NDUFA9: variants seen among roughly 807,000 people sequenced by gnomAD.
NDUFA9 encodes the protein NADH:ubiquinone oxidoreductase subunit A9, also known as NADH dehydrogenase [ubiquinone] 1 alpha subcomplex subunit 9, mitochondrial.
NDUFA9 carries 23 observed loss-of-function variants against 45.9 expected under a neutral mutation model. The ratio of observed to expected loss-of-function variants is 0.50; its 90% CI spans 0.36 to 0.71. The LOEUF (loss-of-function observed/expected upper bound fraction) is 0.71. Among genes scored for constraint, NDUFA9 ranks in the 30% least tolerant of loss-of-function variants. The pLI is 0.00. For synonymous variants in NDUFA9, 176 were observed against 170.5 expected, an observed-to-expected ratio of 1.03 and a Z score of -0.25; for missense variants, 466 against 488.2, an observed-to-expected ratio of 0.95 and a Z score of 0.43.
intron 9 of NDUFA9, among the ~76,000 whole-genome samples, chr12:4,684,342 C>T (rs1174768136): frequency 6.6e-6 from 1 of 152,182 alleles, no homozygotes; most frequent in Non-Finnish European, 1.5e-5. Flanking sequence ...TCAAGTCCTG[C>T]TGGGTAAATC....
rs2302244 is a variant in NDUFA9, at chr12:4,682,507, A to G, written c.896+207A>G. On this transcript the variant is annotated intron_variant, in intron 9 of 10. Transcript: ENST00000266544. ...GAACATTAAATCTTCCCAATTCCCAAAAGTGAATCTTCCCACTTCCCAAAA... is the reference window on the plus strand; with the variant it reads ...GAACATTAAATCTTCCCAATTCCCAGAAGTGAATCTTCCCACTTCCCAAAA... 0.56 allele frequency among the ~76,000 whole-genome samples: 84,557 copies of G among 152,060 alleles called. 23,875 individuals are homozygous for G. The highest frequency in any genetic ancestry group is 0.61 in the Non-Finnish European group (41,702 of 67,978).
At chr12:4,662,108 C>G (rs1945826486) in intron 5 of NDUFA9, among the ~76,000 whole-genome samples, 1 of 152,234 alleles carries the variant, frequency 6.6e-6, no homozygotes, top group Non-Finnish European at 1.5e-5. Context: ...ATTAGTGACT[C>G]TATCCCCAAC....
intron 6 of NDUFA9, among the ~76,000 whole-genome samples, chr12:4,663,554 A>G (rs1057463824): frequency 6.6e-6 from 1 of 152,232 alleles, no homozygotes; most frequent in Non-Finnish European, 1.5e-5. Context: ...AGGAAAGGCC[A>G]TATGTGAGGA....
chr12:4,662,472 G>C, intron 5 of NDUFA9, 61 bp from the exon 6 acceptor site: 1 of 1,263,968 alleles, frequency 7.9e-7, no homozygotes, highest in Non-Finnish European at 1.2e-6. Flanking sequence ...ATAGTGGAAA[G>C]AATGGATGCT....
intron 5 of NDUFA9, 136 bp downstream of exon 5, chr12:4,659,313 A>G (rs950956519): frequency 1.1e-5 from 8 of 753,450 alleles, no homozygotes; most frequent in Middle Eastern, 3.0e-4. Context: ...TGCATCCAGA[A>G]CTAGGGGTGT....
At chr12:4,677,074 G>A (rs1167646818) in intron 8 of NDUFA9, among the ~76,000 whole-genome samples, 1 of 152,210 alleles carries the variant, frequency 6.6e-6, no homozygotes, top group Non-Finnish European at 1.5e-5. Context: ...TTAATAAATG[G>A]TGTTGGGAAA....
At chr12:4,680,595 A>G (rs1340118318) in intron 8 of NDUFA9, among the ~76,000 whole-genome samples, 2 of 152,190 alleles carry the variant, frequency 1.3e-5, no homozygotes, top group Non-Finnish European at 2.9e-5. Context: ...CCATGATACC[A>G]GTTTTGTTTG....
intron 8 of NDUFA9, among the ~76,000 whole-genome samples, chr12:4,681,776 T>C (rs2137485473): frequency 6.6e-6 from 1 of 151,378 alleles, no homozygotes; most frequent in African/African-American, 2.4e-5. Context: ...AAATATTTAT[T>C]ACAAGAATGT....
At chr12:4,668,336 G>A (rs1945865374) in intron 6 of NDUFA9, 121 bp from the exon 7 acceptor site, 2 of 803,996 alleles carry the variant, frequency 2.5e-6, no homozygotes, top group African/African-American at 3.4e-5. Flanking sequence ...CACTTCCTCA[G>A]AGTCAGCTAC....
rs144583056 is a variant in NDUFA9, at chr12:4,657,619, G to A, written c.319-129G>A. 316 of 669,354 alleles carry A rather than the reference G, an allele frequency of 4.7e-4. 1 individual carries two copies. The African/African-American group carries it at 4.8e-3, about 10-fold the overall frequency. 41.5% of individuals were successfully genotyped at this position (669,354 alleles called of 1,614,324 possible). A position where few individuals can be genotyped will look rare whatever the true frequency, so the allele number is the denominator to read the frequency against. ...TTTCTGTTGTAATAAATGGAGCTTGGATGAAATGGCACTATATTATGACTA... is the reference window on the plus strand; with the variant it reads ...TTTCTGTTGTAATAAATGGAGCTTGAATGAAATGGCACTATATTATGACTA... On this transcript the variant is annotated intron_variant, in intron 3 of 10. Transcript: ENST00000266544.
At position 4,685,046 on chromosome 12, in the gene NDUFA9, C is replaced by T. The variant is rs1945976488; in HGVS notation, c.897-213C>T. ...TTTCTTTGGAGGAGAACAAAGTGTA[C>T]CAGCAGTTACAGCAGCCGACTGGGT... On this transcript the variant is annotated intron_variant, in intron 9 of 10. Transcript: ENST00000266544. The T allele has an allele frequency of 1.6e-5, 11 of 680,658 alleles. No individual in the cohort carries two copies. The East Asian group carries it at 3.0e-4, about 18-fold the overall frequency. The allele number at this position is 680,658 out of a possible 1,614,324, so 42.2% of individuals were successfully genotyped here.
intron 8 of NDUFA9, among the ~76,000 whole-genome samples, chr12:4,672,553 C>T (rs562220045): frequency 1.3e-5 from 2 of 152,264 alleles, no homozygotes; most frequent in South Asian, 2.1e-4. Context: ...GAGGGAGGGG[C>T]GTCCACCATT....
intron 1 of NDUFA9, among the ~76,000 whole-genome samples, chr12:4,652,581 T>G (rs1300890172): frequency 6.6e-6 from 1 of 152,232 alleles, no homozygotes; most frequent in Non-Finnish European, 1.5e-5. Flanking sequence ...ATTCTCTCCT[T>G]GAAACAGTTT....
At chr12:4,680,269 T>C (rs558280238) in intron 8 of NDUFA9, among the ~76,000 whole-genome samples, 8 of 152,280 alleles carry the variant, frequency 5.3e-5, no homozygotes, top group Admixed American at 2.0e-4. Flanking sequence ...AGTCAATCAG[T>C]TCAATTGTAT....
At position 4,692,674 on chromosome 12, in the gene NDUFA9, G is replaced by A. The variant is rs1946024491; in HGVS notation, c.*5566G>A. On this transcript the variant is annotated 3_prime_UTR_variant, in exon 11 of 11. Transcript: ENST00000266544. ...AGATGATGATGTTGTTGGCAGAGAGGGAGGGTATAACTTGTGGTGCCTAGC... is the reference window on the plus strand; with the variant it reads ...AGATGATGATGTTGTTGGCAGAGAGAGAGGGTATAACTTGTGGTGCCTAGC... 6.6e-6 allele frequency: 1 copy of A among 152,246 alleles called. No individual in the cohort carries two copies. The highest frequency in any genetic ancestry group is 2.1e-4 in the South Asian group (1 of 4,826). The allele number at this position is 152,246 out of a possible 1,614,324, so 9.4% of individuals were successfully genotyped here. A position where few individuals can be genotyped will look rare whatever the true frequency, so the allele number is the denominator to read the frequency against.
rs1946017547 is a variant in NDUFA9, at chr12:4,691,339, A to C, written c.*4231A>C. The C allele has an allele frequency of 6.6e-6, 1 of 152,260 alleles. No individual in the cohort carries two copies. The highest frequency in any genetic ancestry group is 2.4e-5 in the African/African-American group (1 of 41,474). 9.4% of individuals were successfully genotyped at this position (152,260 alleles called of 1,614,324 possible). The stretch of plus-strand genomic sequence containing the variant: ...CATTTGTTTCCTGACTTAATAAAAT[A>C]GCTGCCGTTCCTGAGAAGGAGGGAT... On this transcript the variant is annotated 3_prime_UTR_variant, in exon 11 of 11. Transcript: ENST00000266544.
At chr12:4,680,493 G>A (rs1945945820) in intron 8 of NDUFA9, among the ~76,000 whole-genome samples, 1 of 152,146 alleles carries the variant, frequency 6.6e-6, no homozygotes, top group Non-Finnish European at 1.5e-5. Context: ...TGTGAGGAAG[G>A]GCACTTAAAC....
intron 9 of NDUFA9, chr12:4,684,830 G>A: frequency 2.8e-6 from 1 of 357,734 alleles, no homozygotes; most frequent in East Asian, 4.3e-5. Context: ...TTCCTCAAGG[G>A]CCCCAGCTTT....
At chr12:4,677,905 T>A (rs768283360) in intron 8 of NDUFA9, among the ~76,000 whole-genome samples, 28 of 152,154 alleles carry the variant, frequency 1.8e-4, no homozygotes, top group Non-Finnish European at 3.2e-4. Flanking sequence ...CCATCAATGA[T>A]AGACTGGATT....
Sources: gnomAD v4.1 joint callset for allele counts (sites outside exome capture counted in the v4.1 genomes callset) on GRCh38, gnomAD v4.1.1 for gene constraint, MANE v1.5 for transcripts, NCBI Gene and HGNC (gene_info 2026-07-23, HGNC 2026-07-21) for gene names.